CTNNA2: variants seen among roughly 807,000 people sequenced by gnomAD.
CTNNA2 encodes the protein catenin alpha-2.
CTNNA2 carries 42 observed loss-of-function variants against 101.0 expected under a neutral mutation model. That is an observed-to-expected ratio of 0.42 (90% CI 0.32 to 0.54). The LOEUF (loss-of-function observed/expected upper bound fraction) is 0.54, where lower values mean the gene tolerates loss of function less well. CTNNA2 is among the 20% of genes least tolerant of loss of function. The pLI is 0.14. For missense variants in CTNNA2, 871 were observed against 1,223.1 expected, an observed-to-expected ratio of 0.71 and a Z score of 4.29; for synonymous variants, 450 against 456.4, an observed-to-expected ratio of 0.99 and a Z score of 0.18.
Position 79,858,095 on chromosome 2 carries a change from A to G in CTNNA2, c.381A>G (p.Ala127=), listed in dbSNP as rs1403224323. The G allele has an allele frequency of 6.2e-7, 1 of 1,614,040 alleles. No homozygotes were observed. Among genetic ancestry groups the G allele is most frequent in the African/African-American group, 1.3e-5 (1 of 74,940 alleles). The change falls in exon 4 of 19, where the codon GCA becomes GCG. Residue 127 remains alanine (A), a synonymous_variant. Transcript: ENST00000402739. ...AGCGCGGCACCATGGTACGGGCGGC[A>G]AGGGCTTTGCTCTCCGCGGTGACAC... ...SVKRGTMVRA[A]RALLSAVTRL... is the part of the protein sequence containing the mutation.
intron 7 of CTNNA2, among the ~76,000 whole-genome samples, chr2:80,046,763 C>G (rs1052185744): frequency 6.6e-6 from 1 of 152,170 alleles, no homozygotes; most frequent in East Asian, 1.9e-4. Flanking sequence ...CTGCACTTTA[C>G]AGGATGTACA....
chr2:79,858,904 G>A (rs1681361654), intron 4 of CTNNA2, among the ~76,000 whole-genome samples: 1 of 151,508 alleles, frequency 6.6e-6, no homozygotes, highest in South Asian at 2.1e-4. Context: ...TAGTGATTAA[G>A]GCTACCTCCC....
At position 79,807,754 on chromosome 2, in the gene CTNNA2, A is replaced by G. The variant is rs60861852; in HGVS notation, c.299-50259A>G. ...GTTACAGCTGTCCCATTTGGCTTTA[A>G]AAAGCACAATGCTATTATGTGAATT... On this transcript the variant is annotated intron_variant, in intron 3 of 18. Coordinates refer to ENST00000402739, the MANE Select transcript of CTNNA2 (RefSeq NM_001282597.3). 6.0e-3 allele frequency among the ~76,000 whole-genome samples: 907 copies of G among 152,322 alleles called. 6 individuals carry two copies. Among genetic ancestry groups the G allele is most frequent in the African/African-American group, 0.021 (874 of 41,588 alleles).
At position 80,612,178 on chromosome 2, in the gene CTNNA2, G is replaced by A. The variant is rs993173822; in HGVS notation, c.2430+3860G>A. Among the ~76,000 whole-genome samples, 5 of 151,648 alleles carry A rather than the reference G, an allele frequency of 3.3e-5. No homozygotes were observed. In the South Asian group the frequency reaches 1.0e-3, roughly 31 times the overall value. Reference sequence around the variant, plus strand: ...GTTTAGGGGAGAGGTTTGACAAGGTGAGCAAGTTTAACTTGGGACACTGGT... The same window carrying A: ...GTTTAGGGGAGAGGTTTGACAAGGTAAGCAAGTTTAACTTGGGACACTGGT... On this transcript the variant is annotated intron_variant, in intron 17 of 18. Coordinates refer to ENST00000402739, the MANE Select transcript of CTNNA2 (RefSeq NM_001282597.3).
At chr2:79,279,593 C>A (rs1365233126) in intron 2 of CTNNA2, among the ~76,000 whole-genome samples, 1 of 152,054 alleles carries the variant, frequency 6.6e-6, no homozygotes, top group Non-Finnish European at 1.5e-5. Flanking sequence ...TTCCCTTTGG[C>A]AATTATGTAT....
At chr2:79,281,391 C>T (rs1225707052) in intron 2 of CTNNA2, 1 of 152,206 alleles carries the variant, frequency 6.6e-6, no homozygotes, top group African/African-American at 2.4e-5. Flanking sequence ...GCTCCATTTG[C>T]TCAGTTTTTC....
intron 3 of CTNNA2, among the ~76,000 whole-genome samples, chr2:79,319,090 G>A (rs1381317269): frequency 1.3e-5 from 2 of 152,110 alleles, no homozygotes; most frequent in Non-Finnish European, 2.9e-5. Flanking sequence ...GGAAGACCCA[G>A]GTAAAAGTAG....
chr2:80,214,753 G>T (rs186422529), intron 7 of CTNNA2, among the ~76,000 whole-genome samples: 1 of 152,094 alleles, frequency 6.6e-6, no homozygotes, highest in African/African-American at 2.4e-5. Flanking sequence ...TGCCCTTCTT[G>T]AGGAGTATCT....
intron 7 of CTNNA2, among the ~76,000 whole-genome samples, chr2:80,118,045 A>C (rs1407376959): frequency 1.3e-5 from 2 of 152,196 alleles, no homozygotes; most frequent in African/African-American, 2.4e-5. Flanking sequence ...TAAGAGCCCA[A>C]GTTCTTAACC....
In CTNNA2 at chr2:79,290,919, G is replaced by A. The variant is rs904041198; in HGVS notation, c.-405-21790G>A. Among the ~76,000 whole-genome samples, 8 of 152,288 alleles carry A rather than the reference G, an allele frequency of 5.3e-5. No homozygotes were observed. In the East Asian group the frequency reaches 1.4e-3, roughly 26 times the overall value. On this transcript the variant is annotated intron_variant, in intron 2 of 21. Transcript: ENST00000466387. ...AGGGGGTCTAATTGCGCTGACTAAC[G>A]CAAGCTGCCTACAGACAGCAAAACT... is the stretch of plus-strand genomic sequence containing the variant.
chr2:79,958,189 C>T (rs1689374136), intron 7 of CTNNA2, among the ~76,000 whole-genome samples: 1 of 152,146 alleles, frequency 6.6e-6, no homozygotes, highest in African/African-American at 2.4e-5. Flanking sequence ...TGTCTATCAG[C>T]CTCTTCTCTG....
chr2:79,948,521 G>A (rs993784970), intron 7 of CTNNA2, among the ~76,000 whole-genome samples: 6 of 152,206 alleles, frequency 3.9e-5, no homozygotes, highest in African/African-American at 7.2e-5. Context: ...AGTGCATGGC[G>A]CATAGCGTTA....
intron 1 of CTNNA2, among the ~76,000 whole-genome samples, chr2:79,552,232 C>A (rs1409660178): frequency 6.6e-6 from 1 of 152,134 alleles, no homozygotes; most frequent in Non-Finnish European, 1.5e-5. Context: ...GGACTACAGG[C>A]CCCATGCAAG....
chr2:79,784,304 C>G (rs1207517730), intron 3 of CTNNA2, among the ~76,000 whole-genome samples: 1 of 151,922 alleles, frequency 6.6e-6, no homozygotes, highest in Non-Finnish European at 1.5e-5. Flanking sequence ...TTCCCCAACT[C>G]TAAAGGCCGT....
intron 2 of CTNNA2, among the ~76,000 whole-genome samples, chr2:79,679,023 C>T (rs563224721): frequency 6.6e-6 from 1 of 152,198 alleles, no homozygotes; most frequent in Non-Finnish European, 1.5e-5. Flanking sequence ...TTGTATTTAT[C>T]TCTATATAAC....
chr2:80,218,621 G>C (rs749964050), intron 7 of CTNNA2, among the ~76,000 whole-genome samples: 1 of 152,170 alleles, frequency 6.6e-6, no homozygotes, highest in African/African-American at 2.4e-5. Context: ...CAGTTCTCTT[G>C]ACTGTAAAAT....
intron 9 of CTNNA2, among the ~76,000 whole-genome samples, chr2:80,451,984 C>T (rs1683554152): frequency 6.6e-6 from 1 of 152,032 alleles, no homozygotes; most frequent in Admixed American, 6.6e-5. Flanking sequence ...ATCCCTAAAT[C>T]CAGAACATGA....
chr2:79,345,891 G>T lies in CTNNA2; in HGVS notation c.-317-27940G>T, dbSNP rs6735356. Among the ~76,000 whole-genome samples, 741 of 150,190 alleles carry T rather than the reference G, an allele frequency of 4.9e-3. 8 individuals carry two copies. Among genetic ancestry groups the T allele is most frequent in the African/African-American group, 0.017 (698 of 40,824 alleles). On this transcript the variant is annotated intron_variant, in intron 3 of 21. Coordinates refer to the CTNNA2 transcript ENST00000466387. ...TTTTTTTTTTTTTAATACAGATGGG[G>T]GTCTCACCATTTTGCCCAGGCTGGT...
At chr2:79,719,044 TC>T (rs1271624397) in intron 2 of CTNNA2, among the ~76,000 whole-genome samples, 1 of 152,190 alleles carries the variant, frequency 6.6e-6, no homozygotes, top group African/African-American at 2.4e-5. Context: ...CTCCCGCCCT[TC>T]CTCCTCGCTC....
Sources: allele counts gnomAD v4.1 joint callset (sites outside exome capture counted in the v4.1 genomes callset), GRCh38; gene constraint gnomAD v4.1.1; transcripts MANE v1.5; gene names NCBI Gene and HGNC (gene_info 2026-07-23, HGNC 2026-07-21).